Variants in SGCZ observed in about 807,000 individuals in gnomAD.
SGCZ encodes zeta-sarcoglycan.
Under a neutral mutation model 41.3 loss-of-function variants are expected in SGCZ, and 40 were observed. That is an observed-to-expected ratio of 0.97 (90% confidence interval 0.75 to 1.26). SGCZ has a LOEUF of 1.26. Ranked by LOEUF, SGCZ falls within the 50% of genes most tolerant of loss-of-function variation. The probability of loss-of-function intolerance (pLI) is 0.00; values close to 1 mark genes in which losing one functional copy is unlikely to be tolerated. For missense variants in SGCZ, 552 were observed against 369.8 expected (o/e 1.49, Z -4.04); for synonymous variants, 206 against 137.5 (o/e 1.50, Z -3.49).
chr8:14,253,944 TC>T (rs5889527), intron 3 of SGCZ, among the ~76,000 whole-genome samples: 29,730 of 151,976 alleles, frequency 0.2, 3,080 homozygotes, highest in East Asian at 0.28. Flanking sequence ...GTTCTGCTTT[TC>T]ATGAAACATT....
intron 7 of SGCZ, among the ~76,000 whole-genome samples, chr8:14,095,249 C>A (rs1241296761): frequency 6.6e-6 from 1 of 151,794 alleles, no homozygotes; most frequent in Non-Finnish European, 1.5e-5. Flanking sequence ...TAGGGTTTTA[C>A]GGTTTAGGTA....
intron 2 of SGCZ, among the ~76,000 whole-genome samples, chr8:14,387,976 A>C (rs2117209213): frequency 6.6e-6 from 1 of 152,296 alleles, no homozygotes; most frequent in Admixed American, 6.5e-5. Context: ...TAGAATCTGT[A>C]GAACCTTGTG....
At chr8:15,055,390 G>C (rs1050541961) in intron 1 of SGCZ, among the ~76,000 whole-genome samples, 1 of 152,084 alleles carries the variant, frequency 6.6e-6, no homozygotes, top group Non-Finnish European at 1.5e-5. Context: ...GGCAGACCTT[G>C]TCCAAACATG....
intron 4 of SGCZ, among the ~76,000 whole-genome samples, chr8:14,226,838 A>G (rs1203896614): frequency 6.6e-6 from 1 of 152,118 alleles, no homozygotes; most frequent in Non-Finnish European, 1.5e-5. Flanking sequence ...TAAAAGTTCC[A>G]GTAGCTTTGT....
chr8:14,751,144 A>G (rs1286532482), intron 1 of SGCZ, among the ~76,000 whole-genome samples: 1 of 152,184 alleles, frequency 6.6e-6, no homozygotes, highest in Non-Finnish European at 1.5e-5. Context: ...TGCATTTTCA[A>G]TTTATTATTA....
intron 1 of SGCZ, among the ~76,000 whole-genome samples, chr8:15,072,472 G>A (rs985165908): frequency 5.9e-5 from 9 of 152,168 alleles, no homozygotes; most frequent in South Asian, 2.1e-4. Flanking sequence ...CTACAAACAC[G>A]TTAAAAAGCT....
intron 5 of SGCZ, among the ~76,000 whole-genome samples, chr8:14,108,825 C>G (rs1191472199): frequency 1.3e-5 from 2 of 152,140 alleles, no homozygotes; most frequent in African/African-American, 2.4e-5. Context: ...TTATAAAAGT[C>G]AAAAGTCAGT....
intron 2 of SGCZ, among the ~76,000 whole-genome samples, chr8:14,479,136 C>A (rs1375288350): frequency 2.0e-5 from 3 of 152,170 alleles, no homozygotes; most frequent in Non-Finnish European, 4.4e-5. Flanking sequence ...CATCAGCAAG[C>A]TGAGAAGCAA....
intron 1 of SGCZ, among the ~76,000 whole-genome samples, chr8:14,604,300 G>C (rs957952984): frequency 6.6e-6 from 1 of 152,084 alleles, no homozygotes; most frequent in African/African-American, 2.4e-5. Context: ...TGCCTGGAGA[G>C]TTCTTTCTTT....
At position 14,712,286 on chromosome 8, in the gene SGCZ, G is replaced by A. The variant is rs535143626; in HGVS notation, c.40-157360C>T. Among the ~76,000 whole-genome samples the A allele has an allele frequency of 9.9e-4, 151 of 152,236 alleles. 1 individual carries two copies. Among genetic ancestry groups the A allele is most frequent in the African/African-American group, 3.3e-3 (138 of 41,544 alleles). On this transcript the variant is annotated intron_variant, in intron 1 of 7. Transcript: ENST00000382080. ...CGTCCTGAAACCCTTGCAGGCTGGC[G>A]CTGCCTGGTTGATGAAATGCTGTCT...
intron 2 of SGCZ, among the ~76,000 whole-genome samples, chr8:14,437,584 A>C (rs1050533322): frequency 6.6e-6 from 1 of 152,162 alleles, no homozygotes; most frequent in East Asian, 1.9e-4. Context: ...TTTTCAACAA[A>C]GAAAAATTTT....
chr8:14,817,454 T>C (rs1167197899), intron 1 of SGCZ, among the ~76,000 whole-genome samples: 1 of 152,164 alleles, frequency 6.6e-6, no homozygotes, highest in East Asian at 1.9e-4. Flanking sequence ...TAGGAGCCCT[T>C]ACCCTTGCAA....
intron 1 of SGCZ, among the ~76,000 whole-genome samples, chr8:14,905,070 C>G (rs1457849791): frequency 6.6e-6 from 1 of 151,942 alleles, no homozygotes; most frequent in Non-Finnish European, 1.5e-5. Flanking sequence ...CTTGACACTA[C>G]CCTATACTCA....
chr8:14,270,329 C>T (rs966856211), intron 3 of SGCZ, among the ~76,000 whole-genome samples: 4 of 151,066 alleles, frequency 2.6e-5, no homozygotes, highest in African/African-American at 9.7e-5. Flanking sequence ...AAAACTCCGT[C>T]TCAAAAAAAA....
chr8:14,295,716 G>A (rs145477290), intron 3 of SGCZ, among the ~76,000 whole-genome samples: 21 of 152,210 alleles, frequency 1.4e-4, no homozygotes, highest in Admixed American at 2.6e-4. Context: ...AAGGTTTTCT[G>A]CCTGAGGTAC....
At chr8:14,557,460 T>C (rs566002208) in intron 1 of SGCZ, among the ~76,000 whole-genome samples, 1 of 152,242 alleles carries the variant, frequency 6.6e-6, no homozygotes, top group East Asian at 1.9e-4. Flanking sequence ...TTGTTCTTAT[T>C]GCATTTGCTT....
intron 1 of SGCZ, among the ~76,000 whole-genome samples, chr8:15,116,100 G>A (rs563521388): frequency 6.6e-6 from 1 of 152,202 alleles, no homozygotes; most frequent in South Asian, 2.1e-4. Flanking sequence ...CACAAAAACT[G>A]GTGTGGTCAG....
intron 1 of SGCZ, among the ~76,000 whole-genome samples, chr8:15,221,962 C>T (rs1232562042): frequency 6.6e-6 from 1 of 152,194 alleles, no homozygotes; most frequent in Non-Finnish European, 1.5e-5. Flanking sequence ...GTAGCTTTTG[C>T]ATTCCCTGTG....
At chr8:14,168,540 C>T (rs187479387) in intron 4 of SGCZ, among the ~76,000 whole-genome samples, 1 of 152,202 alleles carries the variant, frequency 6.6e-6, no homozygotes, top group Non-Finnish European at 1.5e-5. Context: ...CCTGCACAAG[C>T]TCTTATCTTC....
Sources: allele counts gnomAD v4.1 joint callset (sites outside exome capture counted in the v4.1 genomes callset), GRCh38; gene constraint gnomAD v4.1.1; transcripts MANE v1.5; gene names NCBI Gene and HGNC (gene_info 2026-07-23, HGNC 2026-07-21).